The following INTS1 variants were observed in gnomAD, a reference collection of about 807,000 sequenced individuals.
INTS1 encodes the protein integrator complex subunit 1.
In INTS1, 137 loss-of-function variants were observed where a neutral mutation model predicts 241.6. That is an observed-to-expected ratio of 0.57 (90% CI 0.49 to 0.65). The LOEUF (loss-of-function observed/expected upper bound fraction) is 0.65, where lower values mean the gene tolerates loss of function less well. INTS1 is among the 30% of genes least tolerant of loss of function. The pLI is 0.00. For synonymous variants in INTS1, 1,692 were observed against 1,337.8 expected (o/e 1.26, Z -5.78); for missense variants, 3,073 against 3,032.2 (o/e 1.01, Z -0.32).
In INTS1 at chr7:1,489,423, T is replaced by C. The variant is rs1345015784; in HGVS notation, c.2258-19A>G. On this transcript the variant is annotated intron_variant, in intron 17 of 47. Coordinates refer to ENST00000404767, the MANE Select transcript of INTS1 (RefSeq NM_001080453.3). ...GCCAGGCCTAGGGAACCGGAGGGTG[T>C]GGGGCTGGCCAGGCTCCCCTGGGCA... is the stretch of plus-strand genomic sequence containing the variant. The C allele has an allele frequency of 6.2e-7, 1 of 1,600,930 alleles. No individual in the cohort carries two copies. Among genetic ancestry groups the C allele is most frequent in the Non-Finnish European group, 8.5e-7 (1 of 1,174,882 alleles).
In INTS1 at chr7:1,476,877, G is replaced by T. The variant is rs768990745; in HGVS notation, c.4980C>A (p.Leu1660=). The part of the protein sequence containing the change: ...QAQVPSFRPY[L]LTLFTHQSSW... ...TGGACTGATGCGTGAAGAGGGTCAGGAGGTAGGGACGGAACGAGGGCACCT... is the reference window on the plus strand; with the variant it reads ...TGGACTGATGCGTGAAGAGGGTCAGTAGGTAGGGACGGAACGAGGGCACCT... The change falls in exon 36 of 48, where the codon CTC becomes CTA. Residue 1660 remains leucine, a synonymous_variant. Coordinates refer to ENST00000404767, the MANE Select transcript of INTS1 (RefSeq NM_001080453.3). 3.7e-6 allele frequency: 6 copies of T among 1,612,762 alleles called. No individual in the cohort carries two copies. Among genetic ancestry groups the T allele is most frequent in the Non-Finnish European group, 5.1e-6 (6 of 1,179,794 alleles).
rs2128546482 is a variant in INTS1 at position 1,503,971 on chromosome 7, C to T, written c.-11G>A. 6.5e-7 allele frequency: 1 copy of T among 1,547,754 alleles called. No homozygotes were observed. Among genetic ancestry groups the T allele is most frequent in the South Asian group, 1.2e-5 (1 of 83,952 alleles). On this transcript the variant is annotated 5_prime_UTR_variant, in exon 2 of 48. Coordinates refer to ENST00000404767, the MANE Select transcript of INTS1 (RefSeq NM_001080453.3). ...CTTGGCCCGGTTCATCCTGCCCCGT[C>T]CCTCGCGGCTCCCGGCGGCTGCGGC...
intron 29 of INTS1, 137 bp from the exon 30 acceptor site, chr7:1,480,578 C>T: frequency 1.0e-6 from 1 of 972,026 alleles, no homozygotes; most frequent in South Asian, 1.7e-5. Flanking sequence ...CTCTGTGTTC[C>T]CCAAGGACCC....
At position 1,471,191 on chromosome 7, in the gene INTS1, C is replaced by G. The variant is rs1300677623; in HGVS notation, c.6289G>C (p.Glu2097Gln). The change falls in exon 46 of 48, where the codon GAG becomes CAG. Residue 2097 changes from glutamate (E) to glutamine (Q), a missense_variant. Coordinates refer to ENST00000404767, the MANE Select transcript of INTS1 (RefSeq NM_001080453.3). ...NLQRLMSSAE[E>Q]CCRNLAFSLA... The stretch of plus-strand genomic sequence containing the variant: ...CTGAAGGCGAGGTTGCGGCAACACT[C>G]CTCGGCCGAGCTCATCAGCCGCTGC... 4 of 1,583,052 alleles carry G rather than the reference C, an allele frequency of 2.5e-6. No individual in the cohort carries two copies. In the South Asian group the frequency reaches 4.6e-5, roughly 18 times the overall value.
intron 42 of INTS1, 104 bp from the exon 43 acceptor site, chr7:1,473,288 G>A (rs1191368429): frequency 2.6e-6 from 2 of 762,904 alleles, no homozygotes; most frequent in Non-Finnish European, 2.2e-6. Flanking sequence ...ACACAGGCAT[G>A]CAGGAGAGGC....
At chr7:1,474,655 C>G (rs541839539) in intron 40 of INTS1, 50 bp downstream of exon 40, 70 of 1,518,904 alleles carry the variant, frequency 4.6e-5, no homozygotes, top group Non-Finnish European at 5.8e-5. Context: ...AGCCGCAGAC[C>G]CCCCTGGTTA....
chr7:1,478,862 G>C lies in INTS1; in HGVS notation c.4353C>G (p.Gly1451=). ...GCACCTTCAGGAAGAGCGAGGAGAA[G>C]CCGGTGTCCTGTGGCACACAGCGCT... ...QYQRCVPQDT[G]FSSLFLKVLL... is the part of the protein sequence containing the mutation. The change falls in exon 32 of 48, where the codon GGC becomes GGG. Residue 1451 remains glycine, a synonymous_variant. Coordinates refer to ENST00000404767, the MANE Select transcript of INTS1 (RefSeq NM_001080453.3). 6.2e-7 allele frequency: 1 copy of C among 1,609,900 alleles called. No homozygotes were observed. The highest frequency in any genetic ancestry group is 1.3e-5 in the African/African-American group (1 of 75,006).
chr7:1,477,576 G>C lies in INTS1; in HGVS notation c.4912C>G (p.Leu1638Val). Residue 1638 changes from leucine (L) to valine (V), a missense_variant, in exon 35 of 48, where the codon CTC becomes GTC. By Grantham distance (32) the Leu-to-Val change is conservative. Transcript: ENST00000404767. ...EVVSSCPDLQ[L>V]RLLFSRRKGK... Reference sequence around the variant, plus strand: ...TTCCTCCGGGAGAAGAGCAGCCTGAGCTGCAGGTCGGGGCAGCTGCTGACC... The same window carrying C: ...TTCCTCCGGGAGAAGAGCAGCCTGACCTGCAGGTCGGGGCAGCTGCTGACC... The C allele has an allele frequency of 6.5e-7, 1 of 1,546,090 alleles. No individual in the cohort carries two copies. The highest frequency in any genetic ancestry group is 8.7e-7 in the Non-Finnish European group (1 of 1,147,452).
chr7:1,479,938 G>A (rs535496933), intron 30 of INTS1, among the ~76,000 whole-genome samples: 174 of 152,348 alleles, frequency 1.1e-3, no homozygotes, highest in African/African-American at 4.0e-3. Context: ...GGACCACCAG[G>A]CTCTCCATCA....
intron 41 of INTS1, 42 bp from the exon 42 acceptor site, chr7:1,473,735 A>G (rs947407721): frequency 2.5e-6 from 4 of 1,610,098 alleles, no homozygotes; most frequent in East Asian, 4.5e-5. Context: ...TCTGCCCCGC[A>G]GGGCCAAAAC....
intron 3 of INTS1, 48 bp downstream of exon 3, chr7:1,502,853 C>T (rs371290833): frequency 3.8e-5 from 61 of 1,597,502 alleles, no homozygotes; most frequent in African/African-American, 1.7e-4. Flanking sequence ...ACCTGATGGA[C>T]GGCATGAGCT....
chr7:1,476,167 G>A, intron 38 of INTS1, 62 bp downstream of exon 38: 3 of 1,527,104 alleles, frequency 2.0e-6, no homozygotes, highest in Non-Finnish European at 2.6e-6. Flanking sequence ...ACCCAGGGCT[G>A]GGCCTCGACC....
At chr7:1,491,562 G>A (rs1782547297) in intron 16 of INTS1, among the ~76,000 whole-genome samples, 1 of 152,208 alleles carries the variant, frequency 6.6e-6, no homozygotes, top group Non-Finnish European at 1.5e-5. Context: ...CAAAAGCACA[G>A]AAACCAAACA....
At chr7:1,485,957 C>G (rs1782245056) in intron 22 of INTS1, among the ~76,000 whole-genome samples, 1 of 152,218 alleles carries the variant, frequency 6.6e-6, no homozygotes. Context: ...CCACACCCAG[C>G]TCATTTTTCT....
intron 14 of INTS1, among the ~76,000 whole-genome samples, chr7:1,494,157 C>T (rs1244758743): frequency 6.6e-6 from 1 of 152,242 alleles, no homozygotes; most frequent in Non-Finnish European, 1.5e-5. Context: ...TGGGGATACA[C>T]ACACAGTCAC....
At position 1,478,442 on chromosome 7, in the gene INTS1, G is replaced by A. The variant is rs1321188889; in HGVS notation, c.4554C>T (p.Ser1518=). The A allele has an allele frequency of 1.2e-6, 2 of 1,612,528 alleles. No homozygotes were observed. The highest frequency in any genetic ancestry group is 8.5e-7 in the Non-Finnish European group (1 of 1,179,778). Residue 1518 remains serine (S), a synonymous_variant, in exon 33 of 48, where the codon AGC becomes AGT. Coordinates refer to ENST00000404767, the MANE Select transcript of INTS1 (RefSeq NM_001080453.3). ...TGGCGATGACGGCACGGACGGTGGA[G>A]CTGACCACCTCCAGGTCCTGACGGA... The part of the protein sequence containing the change: ...LAFRQDLEVV[S]STVRAVIATL...
chr7:1,477,385 G>A (rs1341436147), intron 35 of INTS1, among the ~76,000 whole-genome samples, 165 bp downstream of exon 35: 2 of 152,206 alleles, frequency 1.3e-5, no homozygotes, highest in Non-Finnish European at 2.9e-5. Flanking sequence ...AGGGCCATTG[G>A]GGGACCTACC....
In INTS1 at chr7:1,487,441, G is replaced by A. The variant is rs1782326274; in HGVS notation, c.2525C>T (p.Pro842Leu). ...QLTSLDPQGP[P>L]RRPPPHILDQ... ...CAGGATGTGAGGGGGAGGCCTCCGG[G>A]GGGGCCCCCTGAGGGCCACAGGGGA... The change falls in exon 20 of 48, where the codon CCC becomes CTC. Residue 842 changes from proline to leucine, a missense_variant. Coordinates refer to ENST00000404767, the MANE Select transcript of INTS1 (RefSeq NM_001080453.3). 3.7e-6 allele frequency: 6 copies of A among 1,611,404 alleles called. No individual in the cohort carries two copies. Among genetic ancestry groups the A allele is most frequent in the Non-Finnish European group, 3.4e-6 (4 of 1,179,462 alleles).
At chr7:1,483,325 C>G (rs948227412) in intron 26 of INTS1, 1 of 322,902 alleles carries the variant, frequency 3.1e-6, no homozygotes, top group Non-Finnish European at 6.1e-6. Context: ...CTGGCCAGAG[C>G]GTCCTCAGGG....
Sources: gnomAD v4.1 joint callset for allele counts (sites outside exome capture counted in the v4.1 genomes callset) on GRCh38, gnomAD v4.1.1 for gene constraint, MANE v1.5 for transcripts, NCBI Gene and HGNC (gene_info 2026-07-23, HGNC 2026-07-21) for gene names.